The following GNAZ variants were observed in gnomAD, a reference collection of about 807,000 sequenced individuals.
The protein encoded by GNAZ is G protein subunit alpha z, also known as guanine nucleotide-binding protein G(z) subunit alpha.
A neutral mutation model predicts 25.4 loss-of-function variants in GNAZ; 3 were observed. That is an observed-to-expected ratio of 0.12 (90% CI 0.05 to 0.30). The LOEUF (loss-of-function observed/expected upper bound fraction) is 0.30. GNAZ is among the 10% of genes least tolerant of loss of function. The pLI is 1.00. For synonymous variants in GNAZ, 211 were observed against 205.7 expected, an observed-to-expected ratio of 1.03 and a Z score of -0.22; for missense variants, 241 against 501.8, an observed-to-expected ratio of 0.48 and a Z score of 4.97.
chr22:23,080,823 C>T (rs530850893), intron 1 of GNAZ, among the ~76,000 whole-genome samples: 7 of 152,304 alleles, frequency 4.6e-5, no homozygotes, highest in Admixed American at 2.0e-4. Context: ...AATCTTGGCG[C>T]GCAAAAACCC....
At chr22:23,094,411 C>G (rs777184931) in intron 1 of GNAZ, among the ~76,000 whole-genome samples, 1 of 152,146 alleles carries the variant, frequency 6.6e-6, no homozygotes, top group African/African-American at 2.4e-5. Flanking sequence ...CCCTGACTCG[C>G]GGGGTTGGTG....
rs1008145135 is a variant in GNAZ, at chr22:23,096,050, G to A, written c.355G>A (p.Glu119Lys). Residue 119 changes from glutamate to lysine, a missense_variant, in exon 2 of 3, where the codon GAG becomes AAG. Coordinates refer to ENST00000615612, the MANE Select transcript of GNAZ (RefSeq NM_002073.4). ...ALTGPAESKG[E>K]ITPELLGVMR... is the part of the protein sequence containing the mutation. ...GACGGGCCCCGCTGAGAGCAAGGGC[G>A]AGATCACACCCGAGCTGCTGGGTGT... The A allele has an allele frequency of 3.1e-6, 5 of 1,607,174 alleles. No homozygotes were observed. The highest frequency in any genetic ancestry group is 3.4e-6 in the Non-Finnish European group (4 of 1,179,938).
chr22:23,098,584 C>T (rs887734886), intron 2 of GNAZ, among the ~76,000 whole-genome samples: 1 of 152,210 alleles, frequency 6.6e-6, no homozygotes, highest in Non-Finnish European at 1.5e-5. Context: ...GGCTGGCACA[C>T]CCACCACCAT....
chr22:23,073,736 C>T (rs980091809), intron 1 of GNAZ, among the ~76,000 whole-genome samples: 1 of 152,210 alleles, frequency 6.6e-6, no homozygotes, highest in Admixed American at 6.5e-5. Context: ...TCACGCGATT[C>T]ATCCATTCAT....
intron 1 of GNAZ, among the ~76,000 whole-genome samples, chr22:23,087,377 T>C (rs6003500): frequency 0.016 from 2,359 of 152,042 alleles, 61 homozygotes; most frequent in African/African-American, 0.054. Context: ...GGTGGGAGGA[T>C]CGCTTGAGCC....
chr22:23,092,009 C>T (rs116516710), intron 1 of GNAZ, among the ~76,000 whole-genome samples: 138 of 152,350 alleles, frequency 9.1e-4, no homozygotes, highest in African/African-American at 2.9e-3. Flanking sequence ...CACTCTTTTC[C>T]TGGCCCATTC....
At chr22:23,075,949 G>A (rs895576556) in intron 1 of GNAZ, among the ~76,000 whole-genome samples, 1 of 152,208 alleles carries the variant, frequency 6.6e-6, no homozygotes, top group Non-Finnish European at 1.5e-5. Flanking sequence ...GGAGGCCAAG[G>A]TCCTCTGAGG....
chr22:23,076,925 C>G (rs2068520511), intron 1 of GNAZ, among the ~76,000 whole-genome samples: 4 of 152,176 alleles, frequency 2.6e-5, no homozygotes, highest in African/African-American at 9.7e-5. Flanking sequence ...CGAATGCTTT[C>G]CACTCTCTGG....
intron 1 of GNAZ, among the ~76,000 whole-genome samples, chr22:23,089,144 G>A (rs140128633): frequency 1.3e-5 from 2 of 152,316 alleles, no homozygotes; most frequent in Admixed American, 6.5e-5. Flanking sequence ...CTGGACTGCC[G>A]TCTCTGAGGA....
chr22:23,078,547 C>T (rs563023979), intron 1 of GNAZ, among the ~76,000 whole-genome samples: 3 of 152,338 alleles, frequency 2.0e-5, no homozygotes, highest in South Asian at 4.1e-4. Context: ...TGTCTTGCCA[C>T]GCTGGCTGTT....
At chr22:23,081,223 T>C (rs1232747267) in intron 1 of GNAZ, among the ~76,000 whole-genome samples, 2 of 152,186 alleles carry the variant, frequency 1.3e-5, no homozygotes, top group Non-Finnish European at 2.9e-5. Flanking sequence ...CTTTGCCACC[T>C]CACTTGTGTT....
intron 2 of GNAZ, among the ~76,000 whole-genome samples, chr22:23,117,581 G>A (rs1441646642): frequency 6.6e-6 from 1 of 152,242 alleles, no homozygotes; most frequent in African/African-American, 2.4e-5. Flanking sequence ...ACGTCCCAGT[G>A]CCAAGGCGAA....
chr22:23,097,424 A>G (rs1380231842), intron 2 of GNAZ, among the ~76,000 whole-genome samples: 2 of 152,242 alleles, frequency 1.3e-5, no homozygotes, highest in African/African-American at 4.8e-5. Flanking sequence ...CCATGGTGCT[A>G]GGAGCCTGAG....
chr22:23,081,284 A>G (rs1040483936), intron 1 of GNAZ, among the ~76,000 whole-genome samples: 3 of 152,216 alleles, frequency 2.0e-5, no homozygotes, highest in African/African-American at 7.2e-5. Context: ...TTAAGCAAGA[A>G]GTGGCATAAC....
intron 1 of GNAZ, among the ~76,000 whole-genome samples, chr22:23,072,179 C>G (rs1017591926): frequency 5.9e-5 from 9 of 152,170 alleles, no homozygotes; most frequent in Non-Finnish European, 1.2e-4. Context: ...CCAGGCAACC[C>G]CCTTGTTAGG....
At chr22:23,084,906 C>G (rs577810573) in intron 1 of GNAZ, among the ~76,000 whole-genome samples, 1 of 152,334 alleles carries the variant, frequency 6.6e-6, no homozygotes, top group East Asian at 1.9e-4. Context: ...CATCGCATGT[C>G]CAGGTGACAT....
chr22:23,118,021 C>T (rs897782833), intron 2 of GNAZ, among the ~76,000 whole-genome samples: 1 of 152,234 alleles, frequency 6.6e-6, no homozygotes, highest in African/African-American at 2.4e-5. Context: ...TACCCCAGAC[C>T]CGCAGGCCAG....
chr22:23,112,768 A>G (rs2069690535), intron 2 of GNAZ, among the ~76,000 whole-genome samples: 1 of 152,014 alleles, frequency 6.6e-6, no homozygotes, highest in Non-Finnish European at 1.5e-5. Flanking sequence ...GACGGACACC[A>G]AGGTCAGATC....
chr22:23,077,840 C>T (rs1446236544), intron 1 of GNAZ, among the ~76,000 whole-genome samples: 1 of 152,184 alleles, frequency 6.6e-6, no homozygotes, highest in African/African-American at 2.4e-5. Flanking sequence ...CCAGCAGGCC[C>T]TGACCCCCTG....
Sources: allele counts gnomAD v4.1 joint callset (sites outside exome capture counted in the v4.1 genomes callset), GRCh38; gene constraint gnomAD v4.1.1; transcripts MANE v1.5; gene names NCBI Gene and HGNC (gene_info 2026-07-23, HGNC 2026-07-21).